Variants in ITGA9 observed in about 807,000 individuals in gnomAD.
The protein encoded by ITGA9 is integrin subunit alpha 9, also known as integrin alpha-9.
ITGA9 carries 56 observed loss-of-function variants against 127.8 expected under a neutral mutation model. That is an observed-to-expected ratio of 0.44 (90% CI 0.35 to 0.55). The LOEUF (loss-of-function observed/expected upper bound fraction) is 0.55, where lower values mean the gene tolerates loss of function less well. Ranked by LOEUF, ITGA9 falls within the 20% of genes least tolerant of loss-of-function variation. ITGA9 has a pLI of 0.00. For missense variants in ITGA9, 1,196 were observed against 1,347.1 expected, an observed-to-expected ratio of 0.89 and a Z score of 1.76; for synonymous variants, 508 against 514.5, an observed-to-expected ratio of 0.99 and a Z score of 0.17.
chr3:37,695,086 T>C (rs900213728), intron 18 of ITGA9, among the ~76,000 whole-genome samples: 1 of 152,150 alleles, frequency 6.6e-6, no homozygotes, highest in African/African-American at 2.4e-5. Context: ...TACGCCAAGG[T>C]ACTGTTCCAT....
At chr3:37,468,369 A>G (rs1010721911) in intron 1 of ITGA9, among the ~76,000 whole-genome samples, 1 of 151,942 alleles carries the variant, frequency 6.6e-6, no homozygotes, top group Admixed American at 6.6e-5. Flanking sequence ...CCAATTCTTC[A>G]GGTTCTAGGT....
At chr3:37,782,090 C>T (rs1055351352) in intron 25 of ITGA9, among the ~76,000 whole-genome samples, 1 of 152,208 alleles carries the variant, frequency 6.6e-6, no homozygotes, top group Non-Finnish European at 1.5e-5. Context: ...CTGGAAAACC[C>T]CACGTCTGGA....
rs1559524617 is a variant in ITGA9, at chr3:37,512,052, CTTTCTTTCTTTCT to C, written c.898-1708_898-1696del. Among the ~76,000 whole-genome samples the C allele has an allele frequency of 6.6e-3, 280 of 42,162 alleles. 20 individuals carry two copies. Among genetic ancestry groups the C allele is most frequent in the East Asian group, 0.029 (39 of 1,334 alleles). The allele number at this position is 42,162 out of a possible 152,430, so 27.7% of individuals were successfully genotyped here. ...TCTTTCTTTCTTTCTTTCTTTCTTTCTTTCTTTCTTTCTTTCTTTCTTTCCTTCCTTCCTTCCT... is the reference window on the plus strand; with the variant it reads ...TCTTTCTTTCTTTCTTTCTTTCTTTCTTCTTTCTTTCCTTCCTTCCTTCCT... On this transcript the variant is annotated intron_variant, in intron 8 of 27. Transcript: ENST00000264741.
At chr3:37,458,456 A>G (rs1413465945) in intron 1 of ITGA9, among the ~76,000 whole-genome samples, 1 of 152,240 alleles carries the variant, frequency 6.6e-6, no homozygotes, top group African/African-American at 2.4e-5. Flanking sequence ...AACTCAACAG[A>G]GATCACTGGG....
intron 15 of ITGA9, among the ~76,000 whole-genome samples, chr3:37,589,942 T>G (rs1699798776): frequency 1.3e-5 from 2 of 152,250 alleles, no homozygotes; most frequent in Middle Eastern, 3.4e-3. Flanking sequence ...CTCTGCACTG[T>G]TAGTCCTCCC....
At position 37,528,104 on chromosome 3, in the gene ITGA9, C is replaced by T. The variant is rs79482437; in HGVS notation, c.1373+2033C>T. Among the ~76,000 whole-genome samples the T allele has an allele frequency of 2.1e-3, 313 of 152,296 alleles. 2 individuals carry two copies. Among genetic ancestry groups the T allele is most frequent in the African/African-American group, 7.0e-3 (290 of 41,556 alleles). On this transcript the variant is annotated intron_variant, in intron 13 of 27. Coordinates refer to ENST00000264741, the MANE Select transcript of ITGA9 (RefSeq NM_002207.3). ...CTGACCCAACAGGCCCTCTTAAAAC[C>T]GGGGCCATCTGGCTGAAGGTCCATC...
At chr3:37,665,763 G>A (rs1346467599) in intron 17 of ITGA9, among the ~76,000 whole-genome samples, 1 of 152,206 alleles carries the variant, frequency 6.6e-6, no homozygotes, top group Admixed American at 6.5e-5. Flanking sequence ...CCTGATGTGG[G>A]CTTTCTAGGA....
At chr3:37,687,600 T>C (rs1173008262) in intron 18 of ITGA9, among the ~76,000 whole-genome samples, 1 of 152,210 alleles carries the variant, frequency 6.6e-6, no homozygotes, top group Non-Finnish European at 1.5e-5. Flanking sequence ...GATATGAAAA[T>C]GATACTATTA....
At chr3:37,741,960 G>A (rs1448251993) in intron 21 of ITGA9, 141 bp downstream of exon 21, 1 of 730,364 alleles carries the variant, frequency 1.4e-6, no homozygotes, top group African/African-American at 1.7e-5. Context: ...AAAGCAGGAT[G>A]AAGCTTTAGC....
chr3:37,813,032 C>G (rs1027559999), intron 27 of ITGA9, among the ~76,000 whole-genome samples: 2 of 152,222 alleles, frequency 1.3e-5, no homozygotes, highest in Admixed American at 1.3e-4. Context: ...CTGAAGGAGG[C>G]CTACTTAACC....
intron 15 of ITGA9, among the ~76,000 whole-genome samples, chr3:37,598,336 T>G (rs11709823): frequency 2.6e-5 from 4 of 152,074 alleles, no homozygotes; most frequent in African/African-American, 7.2e-5. Context: ...TGCTGAAAGG[T>G]GGGCAGAAGC....
intron 18 of ITGA9, among the ~76,000 whole-genome samples, chr3:37,697,307 G>GTTGTTA (rs1700895075): frequency 7.0e-6 from 1 of 143,660 alleles, no homozygotes; most frequent in Non-Finnish European, 1.5e-5. Flanking sequence ...GACTACTTCT[G>GTTGTTA]TTATTATTAT....
At chr3:37,483,159 T>G (rs1041902308) in intron 4 of ITGA9, among the ~76,000 whole-genome samples, 7 of 152,148 alleles carry the variant, frequency 4.6e-5, no homozygotes, top group Non-Finnish European at 7.3e-5. Context: ...GGACCAGTAC[T>G]TTGGTTTTCC....
At chr3:37,801,914 G>A (rs921927206) in intron 26 of ITGA9, among the ~76,000 whole-genome samples, 3 of 152,152 alleles carry the variant, frequency 2.0e-5, no homozygotes, top group Admixed American at 1.3e-4. Flanking sequence ...CCCCAGCTGC[G>A]GGAATGGAGG....
chr3:37,798,793 T>G (rs1381480415), intron 26 of ITGA9, among the ~76,000 whole-genome samples: 4 of 152,238 alleles, frequency 2.6e-5, no homozygotes, highest in Admixed American at 6.5e-5. Context: ...GACTACACAT[T>G]TTTTTCTGGT....
chr3:37,667,006 A>G (rs1379180058), intron 17 of ITGA9, among the ~76,000 whole-genome samples: 4 of 152,108 alleles, frequency 2.6e-5, no homozygotes, highest in African/African-American at 4.8e-5. Context: ...TTGTCTAGCT[A>G]TGGGAAAAGG....
At chr3:37,521,771 G>C (rs995330561) in intron 11 of ITGA9, among the ~76,000 whole-genome samples, 3 of 152,214 alleles carry the variant, frequency 2.0e-5, no homozygotes, top group Non-Finnish European at 4.4e-5. Flanking sequence ...AGCCAAGAGG[G>C]TCTGCTTCAA....
At chr3:37,748,722 T>C (rs1696540007) in intron 22 of ITGA9, 1 of 554,522 alleles carries the variant, frequency 1.8e-6, no homozygotes, top group East Asian at 3.2e-5. Flanking sequence ...CACTCCAGCC[T>C]GGGCGACAGA....
intron 27 of ITGA9, among the ~76,000 whole-genome samples, chr3:37,817,242 G>A (rs138111266): frequency 6.6e-6 from 1 of 152,342 alleles, no homozygotes; most frequent in East Asian, 1.9e-4. Context: ...TGCATGCACT[G>A]TTGGCAGCAG....
Sources: gnomAD v4.1 joint callset for allele counts (sites outside exome capture counted in the v4.1 genomes callset) on GRCh38, gnomAD v4.1.1 for gene constraint, MANE v1.5 for transcripts, NCBI Gene and HGNC (gene_info 2026-07-23, HGNC 2026-07-21) for gene names.